Variants in GABRA2 observed in about 807,000 individuals in gnomAD.
GABRA2 encodes gamma-aminobutyric acid type A receptor subunit alpha2, also known as gamma-aminobutyric acid receptor subunit alpha-2.
A neutral mutation model predicts 48.7 loss-of-function variants in GABRA2; 16 were observed. That is an observed-to-expected ratio of 0.33 (90% CI 0.22 to 0.50). The LOEUF is 0.50. Ranked by LOEUF, GABRA2 falls within the 20% of genes least tolerant of loss-of-function variation. The pLI is 0.98. For missense variants in GABRA2, 275 were observed against 535.6 expected, an observed-to-expected ratio of 0.51 and a Z score of 4.80; for synonymous variants, 185 against 184.5, an observed-to-expected ratio of 1.00 and a Z score of -0.02.
At chr4:46,335,986 A>G (rs1366770597) in intron 3 of GABRA2, among the ~76,000 whole-genome samples, 3 of 151,884 alleles carry the variant, frequency 2.0e-5, no homozygotes, top group Admixed American at 1.3e-4. Context: ...GGGACCTTTC[A>G]ACTTTGCCTT....
chr4:46,280,144 G>A (rs918446361), intron 8 of GABRA2, among the ~76,000 whole-genome samples: 1 of 152,014 alleles, frequency 6.6e-6, no homozygotes, highest in African/African-American at 2.4e-5. Context: ...TTTATATAAT[G>A]TTGGAAGATG....
chr4:46,305,992 T>G (rs1404392918), intron 6 of GABRA2, among the ~76,000 whole-genome samples: 2 of 152,160 alleles, frequency 1.3e-5, no homozygotes, highest in African/African-American at 4.8e-5. Flanking sequence ...CACTGGGCCC[T>G]TAGATGATTA....
At chr4:46,326,986 CA>C (rs1229573343) in intron 4 of GABRA2, among the ~76,000 whole-genome samples, 1 of 151,940 alleles carries the variant, frequency 6.6e-6, no homozygotes, top group African/African-American at 2.4e-5. Flanking sequence ...AACAGATCAC[CA>C]ATTCTACCCC....
chr4:46,265,078 C>A (rs1717854280), intron 8 of GABRA2, among the ~76,000 whole-genome samples: 1 of 148,746 alleles, frequency 6.7e-6, no homozygotes, highest in South Asian at 2.1e-4. Flanking sequence ...ACATTTCACC[C>A]AGGCTGAAAT....
intron 3 of GABRA2, among the ~76,000 whole-genome samples, chr4:46,360,860 C>T (rs1414172579): frequency 6.6e-6 from 1 of 152,170 alleles, no homozygotes; most frequent in Non-Finnish European, 1.5e-5. Context: ...GGAACTGGAG[C>T]AAAGATGACT....
chr4:46,388,741 A>G, intron 1 of GABRA2, 25 bp from the exon 2 acceptor site: 1 of 1,612,920 alleles, frequency 6.2e-7, no homozygotes, highest in Non-Finnish European at 8.5e-7. Flanking sequence ...GGAATGAAAA[A>G]CAAAATACAC....
chr4:46,332,528 C>A, intron 4 of GABRA2, 87 bp downstream of exon 4: 2 of 778,296 alleles, frequency 2.6e-6, no homozygotes, highest in South Asian at 1.5e-5. Flanking sequence ...ATACATAATT[C>A]TATAACACTA....
chr4:46,377,909 C>T (rs1273947553), intron 3 of GABRA2, among the ~76,000 whole-genome samples: 5 of 150,126 alleles, frequency 3.3e-5, no homozygotes, highest in South Asian at 2.1e-4. Flanking sequence ...AGGTGAGGGG[C>T]GCCTCTGCCC....
At chr4:46,338,801 C>T (rs188609519) in intron 3 of GABRA2, among the ~76,000 whole-genome samples, 179 of 151,890 alleles carry the variant, frequency 1.2e-3, no homozygotes, top group Non-Finnish European at 1.9e-3. Context: ...TGTCTCCTAC[C>T]CATTTCTGAC....
At chr4:46,275,202 C>T (rs1720249243) in intron 8 of GABRA2, among the ~76,000 whole-genome samples, 2 of 151,974 alleles carry the variant, frequency 1.3e-5, no homozygotes, top group Admixed American at 1.3e-4. Flanking sequence ...CTACTCTGTT[C>T]CTCGATTTTT....
chr4:46,262,133 A>G lies in GABRA2; in HGVS notation c.857-5T>C, dbSNP rs1270194272. ...TTGTTAGGACAGTTGTTACTCCTGCAAAAGAAAAGATAGGAATCGAAAACA... is the reference window on the plus strand; with the variant it reads ...TTGTTAGGACAGTTGTTACTCCTGCGAAAGAAAAGATAGGAATCGAAAACA... On this transcript the variant is annotated splice_polypyrimidine_tract_variant and splice_region_variant and intron_variant, in intron 8 of 9. Transcript: ENST00000381620. The G allele has an allele frequency of 1.2e-6, 2 of 1,613,042 alleles. No homozygotes were observed. Among genetic ancestry groups the G allele is most frequent in the Non-Finnish European group, 1.7e-6 (2 of 1,179,292 alleles).
At chr4:46,318,124 CTATT>C (rs1331294138) in intron 4 of GABRA2, among the ~76,000 whole-genome samples, 9 of 151,192 alleles carry the variant, frequency 6.0e-5, no homozygotes, top group South Asian at 2.1e-4. Context: ...GCAACATAAT[CTATT>C]TAAGAAAAAT....
chr4:46,358,757 G>A (rs1712633890), intron 3 of GABRA2, among the ~76,000 whole-genome samples: 1 of 152,124 alleles, frequency 6.6e-6, no homozygotes, highest in Admixed American at 6.5e-5. Flanking sequence ...ATATCTCTGA[G>A]CAATCTTCTA....
intron 4 of GABRA2, among the ~76,000 whole-genome samples, chr4:46,314,015 T>C (rs1578014445): frequency 6.6e-6 from 1 of 152,100 alleles, no homozygotes; most frequent in African/African-American, 2.4e-5. Flanking sequence ...GGCATGTGAG[T>C]AGCAAATGAA....
chr4:46,252,268 C>T (rs1203387338), intron 9 of GABRA2, among the ~76,000 whole-genome samples: 3 of 151,436 alleles, frequency 2.0e-5, no homozygotes, highest in Admixed American at 6.6e-5. Context: ...CCATTTGTAA[C>T]TTTGTAAAAG....
chr4:46,324,034 C>G (rs559153663), intron 4 of GABRA2, among the ~76,000 whole-genome samples: 1 of 152,050 alleles, frequency 6.6e-6, no homozygotes, highest in South Asian at 2.1e-4. Flanking sequence ...CTGCTGCCCT[C>G]TGTCTCGCCT....
chr4:46,305,847 A>C (rs1398677536), intron 6 of GABRA2, 136 bp from the exon 7 acceptor site: 1 of 612,244 alleles, frequency 1.6e-6, no homozygotes, highest in East Asian at 2.9e-5. Flanking sequence ...TTAGGGCAAA[A>C]ATGTCTCATT....
At position 46,249,232 on chromosome 4, in the gene GABRA2, C is replaced by A. The variant is rs970552322; in HGVS notation, c.*1076G>T. ...AAAGCAGATTTACATTAATTCTTAT[C>A]TGAAAGAACTGCTTTCACAAGAGAA... On this transcript the variant is annotated 3_prime_UTR_variant, in exon 10 of 10. Coordinates refer to ENST00000381620, the MANE Select transcript of GABRA2 (RefSeq NM_000807.4). 2.6e-5 allele frequency: 4 copies of A among 151,596 alleles called. No individual in the cohort carries two copies. The highest frequency in any genetic ancestry group is 9.7e-5 in the African/African-American group (4 of 41,450). The allele number at this position is 151,596 out of a possible 1,614,324, so 9.4% of individuals were successfully genotyped here.
At chr4:46,351,077 A>T (rs779526555) in intron 3 of GABRA2, among the ~76,000 whole-genome samples, 1 of 151,586 alleles carries the variant, frequency 6.6e-6, no homozygotes, top group Non-Finnish European at 1.5e-5. Context: ...CCTTTCTATC[A>T]CTTCAACTCA....
Sources: gnomAD v4.1 joint callset for allele counts (sites outside exome capture counted in the v4.1 genomes callset) on GRCh38, gnomAD v4.1.1 for gene constraint, MANE v1.5 for transcripts, NCBI Gene and HGNC (gene_info 2026-07-23, HGNC 2026-07-21) for gene names.